Variants in YIPF3 observed in about 807,000 individuals in gnomAD.
YIPF3 encodes the protein protein YIPF3.
In YIPF3, 18 loss-of-function variants were observed where a neutral mutation model predicts 40.3. That is an observed-to-expected ratio of 0.45 (90% CI 0.31 to 0.66). YIPF3 has a LOEUF of 0.66. Among genes scored for constraint, YIPF3 ranks in the 30% least tolerant of loss-of-function variants. YIPF3 has a pLI of 0.07. For synonymous variants in YIPF3, 190 were observed against 179.6 expected, an observed-to-expected ratio of 1.06 and a Z score of -0.46; for missense variants, 406 against 452.2, an observed-to-expected ratio of 0.90 and a Z score of 0.93.
At chr6:43,514,664 A>G (rs772344278) in intron 3 of YIPF3, among the ~76,000 whole-genome samples, 6 of 152,210 alleles carry the variant, frequency 3.9e-5, no homozygotes, top group Admixed American at 1.3e-4. Flanking sequence ...GCTCCCATCT[A>G]TCTTCACCAC....
chr6:43,514,166 G>A (rs868113393), intron 3 of YIPF3, among the ~76,000 whole-genome samples: 3 of 152,184 alleles, frequency 2.0e-5, no homozygotes, highest in African/African-American at 4.8e-5. Context: ...GCCTGAACCC[G>A]GGAAGCGGAG....
At chr6:43,512,613 T>TGG in intron 7 of YIPF3, 50 bp from the exon 8 acceptor site, 1 of 1,570,976 alleles carries the variant, frequency 6.4e-7, no homozygotes, top group Non-Finnish European at 8.6e-7. Flanking sequence ...AAGTGAGGAG[T>TGG]GGGGACAAGA....
In YIPF3 at chr6:43,513,084, C is replaced by T. The variant is rs35473403; in HGVS notation, c.651G>A (p.Gln217=). ...YLCNAQITML[Q]MLALLGYGLF... The stretch of plus-strand genomic sequence containing the variant: ...GGCTCCTTACCAGCAGTGCCAACAT[C>T]TGCAGCATGGTGATCTGGGCGTTGC... The change falls in exon 6 of 9, where the codon CAG becomes CAA. Residue 217 remains glutamine (Q), a synonymous_variant. Transcript: ENST00000372422. 2,104 of 1,614,110 alleles carry T rather than the reference C, an allele frequency of 1.3e-3. 18 individuals are homozygous for T. The African/African-American group carries it at 0.022, about 17-fold the overall frequency.
chr6:43,513,668 G>A lies in YIPF3; in HGVS notation c.396-35C>T, dbSNP rs1378585033. The A allele has an allele frequency of 5.9e-6, 9 of 1,522,104 alleles. No individual in the cohort carries two copies. In the South Asian group the frequency reaches 1.2e-4, roughly 20 times the overall value. The allele number at this position is 1,522,104 out of a possible 1,614,324, so 94.3% of individuals were successfully genotyped here. A position where few individuals can be genotyped will look rare whatever the true frequency, so the allele number is the denominator to read the frequency against. On this transcript the variant is annotated intron_variant, in intron 3 of 8. Coordinates refer to ENST00000372422, the MANE Select transcript of YIPF3 (RefSeq NM_015388.4). ...GAGAGGAGAGATTAAAGCAAAGGCA[G>A]CACAAGGCCATGAGGTTCTGGAGGG...
In YIPF3 at chr6:43,513,693, G is replaced by A. The variant is rs541282764; in HGVS notation, c.396-60C>T. On this transcript the variant is annotated intron_variant, in intron 3 of 8. Coordinates refer to ENST00000372422, the MANE Select transcript of YIPF3 (RefSeq NM_015388.4). ...GCACAAGGCCATGAGGTTCTGGAGG[G>A]CAAGGCCTGAATTTTATTCATCTCT... 13 of 1,481,660 alleles carry A rather than the reference G, an allele frequency of 8.8e-6. 1 individual carries two copies. The African/African-American group carries it at 1.5e-4, about 18-fold the overall frequency. 91.8% of individuals were successfully genotyped at this position (1,481,660 alleles called of 1,614,324 possible).
At chr6:43,512,350 T>G (rs1792688502) in intron 8 of YIPF3, 35 bp from the exon 9 acceptor site, 1 of 1,612,868 alleles carries the variant, frequency 6.2e-7, no homozygotes, top group South Asian at 1.1e-5. Flanking sequence ...GAGGATCAGA[T>G]GGGCCCAGCC....
rs111897451 is a variant in YIPF3 at position 43,515,193 on chromosome 6, C to T, written c.395+402G>A. On this transcript the variant is annotated intron_variant, in intron 3 of 8. Coordinates refer to ENST00000372422, the MANE Select transcript of YIPF3 (RefSeq NM_015388.4). ...ATTTTTAGTAGAGACAGGGTTTCACCGTGTTAGCCAGGATGGTCTCGATCT... is the reference window on the plus strand; with the variant it reads ...ATTTTTAGTAGAGACAGGGTTTCACTGTGTTAGCCAGGATGGTCTCGATCT... 88 of 436,090 alleles carry T rather than the reference C, an allele frequency of 2.0e-4. 2 individuals are homozygous for T. In the Middle Eastern group the frequency reaches 3.0e-3, roughly 15 times the overall value. 27.0% of individuals were successfully genotyped at this position (436,090 alleles called of 1,614,324 possible). A position where few individuals can be genotyped will look rare whatever the true frequency, so the allele number is the denominator to read the frequency against.
Position 43,516,841 on chromosome 6 carries a change from C to G in YIPF3, c.-34G>C, listed in dbSNP as rs1192521554. On this transcript the variant is annotated 5_prime_UTR_variant, in exon 1 of 9. Transcript: ENST00000372422. ...AGGGCTCCCGTCGCTGAAACCCGCG[C>G]TAGCCCCGCGCGCGGAGTGGGCAAG... 1 of 1,555,818 alleles carries G rather than the reference C, an allele frequency of 6.4e-7. No homozygotes were observed. Among genetic ancestry groups the G allele is most frequent in the Non-Finnish European group, 8.7e-7 (1 of 1,149,254 alleles).
At chr6:43,516,639 C>T in intron 1 of YIPF3, 88 bp downstream of exon 1, 1 of 1,480,192 alleles carries the variant, frequency 6.8e-7, no homozygotes, top group Non-Finnish European at 9.2e-7. Flanking sequence ...ATGGAGCGGA[C>T]TTCCAGGCCC....
rs750280566 is a variant in YIPF3 at position 43,516,746 on chromosome 6, C to G, written c.62G>C (p.Gly21Ala). The G allele has an allele frequency of 6.2e-7, 1 of 1,609,844 alleles. No homozygotes were observed. The highest frequency in any genetic ancestry group is 1.3e-5 in the African/African-American group (1 of 74,826). ...ARNGAGPEWG[G>A]FEENIQGGGS... ...CATTACCTGGATGTTTTCTTCGAAC[C>G]CTCCCCATTCCGGGCCAGCTCCATT... Residue 21 changes from glycine to alanine, a missense_variant, in exon 1 of 9, where the codon GGG becomes GCG. Gly to Ala is a moderately conservative substitution (Grantham distance 60). Transcript: ENST00000372422.
chr6:43,512,750 G>C lies in YIPF3; in HGVS notation c.780+11C>G, dbSNP rs1175796450. On this transcript the variant is annotated intron_variant, in intron 7 of 8. Coordinates refer to ENST00000372422, the MANE Select transcript of YIPF3 (RefSeq NM_015388.4). Reference sequence around the variant, plus strand: ...GACAGCCCACCCCTGGAAGCCTCTTGCCCAGCTTACCATGCGCAGTGTGGA... The same window carrying C: ...GACAGCCCACCCCTGGAAGCCTCTTCCCCAGCTTACCATGCGCAGTGTGGA... The C allele has an allele frequency of 1.9e-6, 3 of 1,610,796 alleles. No individual in the cohort carries two copies. The highest frequency in any genetic ancestry group is 1.1e-5 in the South Asian group (1 of 90,726).
In YIPF3 at chr6:43,511,972, G is replaced by T; in HGVS notation, c.*195C>A. On this transcript the variant is annotated 3_prime_UTR_variant, in exon 9 of 9. Transcript: ENST00000372422. Reference sequence around the variant, plus strand: ...TTTTCTGCATTGGCTGCAGAGCCTTGCAGTCCTGGCCAGGAGTTCTTGGCC... The same window carrying T: ...TTTTCTGCATTGGCTGCAGAGCCTTTCAGTCCTGGCCAGGAGTTCTTGGCC... 1.2e-6 allele frequency: 1 copy of T among 829,838 alleles called. No individual in the cohort carries two copies. The highest frequency in any genetic ancestry group is 1.8e-6 in the Non-Finnish European group (1 of 548,480). 51.4% of individuals were successfully genotyped at this position (829,838 alleles called of 1,614,324 possible).
Position 43,512,534 on chromosome 6 carries a change from G to A in YIPF3, c.810C>T (p.Gly270=), listed in dbSNP as rs1162734284. ...MVAVLVSRTV[G]PTQRLLLCGT... is the part of the protein sequence containing the mutation. ...CACAGAGGAGCAGCCGCTGTGTGGG[G>A]CCCACGGTCCGAGACACCAACACTG... Residue 270 remains glycine, a synonymous_variant, in exon 8 of 9, where the codon GGC becomes GGT. Transcript: ENST00000372422. 3 of 1,612,390 alleles carry A rather than the reference G, an allele frequency of 1.9e-6. No individual in the cohort carries two copies. Among genetic ancestry groups the A allele is most frequent in the Non-Finnish European group, 2.5e-6 (3 of 1,179,814 alleles).
At position 43,513,203 on chromosome 6, in the gene YIPF3, G is replaced by A. The variant is rs1281200733; in HGVS notation, c.535-3C>T. On this transcript the variant is annotated splice_region_variant and splice_polypyrimidine_tract_variant and intron_variant, in intron 5 of 8. Coordinates refer to ENST00000372422, the MANE Select transcript of YIPF3 (RefSeq NM_015388.4). ...GTGCCCATCAGGGTGCCCTCCCGCTGTGGGGTGAAGGCTCTATTTAGTCCT... is the reference window on the plus strand; with the variant it reads ...GTGCCCATCAGGGTGCCCTCCCGCTATGGGGTGAAGGCTCTATTTAGTCCT... The A allele has an allele frequency of 6.2e-7, 1 of 1,614,138 alleles. No homozygotes were observed. Among genetic ancestry groups the A allele is most frequent in the African/African-American group, 1.3e-5 (1 of 75,042 alleles).
chr6:43,513,611 T>C lies in YIPF3; in HGVS notation c.418A>G (p.Ile140Val), dbSNP rs766718317. 1.3e-6 allele frequency: 2 copies of C among 1,577,514 alleles called. No homozygotes were observed. Among genetic ancestry groups the C allele is most frequent in the Middle Eastern group, 1.7e-4 (1 of 5,866 alleles). ...ACCTGGGGGAAGTTGACCATCTTGATAGGGATCATGGACTCCAGGAGCCTG... is the reference window on the plus strand; with the variant it reads ...ACCTGGGGGAAGTTGACCATCTTGACAGGGATCATGGACTCCAGGAGCCTG... ...RSRLLESMIPIKMVNFPQKIA... is the reference protein window; with the variant it reads ...RSRLLESMIPVKMVNFPQKIA... The change falls in exon 4 of 9, where the codon ATC (isoleucine) becomes GTC (valine). Residue 140 changes from isoleucine (I) to valine (V), a missense_variant. Transcript: ENST00000372422.
intron 3 of YIPF3, among the ~76,000 whole-genome samples, chr6:43,514,994 CTT>C (rs944845557): frequency 2.9e-4 from 40 of 138,394 alleles, no homozygotes; most frequent in Admixed American, 2.9e-4. Context: ...GCGCAGAGTT[CTT>C]TTTTTTTTTT....
intron 6 of YIPF3, 95 bp from the exon 7 acceptor site, chr6:43,512,969 A>G: frequency 8.8e-6 from 14 of 1,591,632 alleles, no homozygotes; most frequent in Non-Finnish European, 1.1e-5. Flanking sequence ...CCATTGGCCT[A>G]CTCCTCCCAT....
At position 43,513,214 on chromosome 6, in the gene YIPF3, G is replaced by A. The variant is rs1445569120; in HGVS notation, c.535-14C>T. On this transcript the variant is annotated splice_polypyrimidine_tract_variant and intron_variant, in intron 5 of 8. Transcript: ENST00000372422. ...GGTGCCCTCCCGCTGTGGGGTGAAG[G>A]CTCTATTTAGTCCTAGGAGGCCTCT... 6.2e-7 allele frequency: 1 copy of A among 1,614,058 alleles called. No homozygotes were observed. The highest frequency in any genetic ancestry group is 8.5e-7 in the Non-Finnish European group (1 of 1,179,986).
At chr6:43,513,664 G>A in intron 3 of YIPF3, 31 bp from the exon 4 acceptor site, 2 of 1,522,512 alleles carry the variant, frequency 1.3e-6, no homozygotes, top group South Asian at 1.3e-5. Flanking sequence ...TTAAAGCAAA[G>A]GCAGCACAAG....
Sources: allele counts gnomAD v4.1 joint callset (sites outside exome capture counted in the v4.1 genomes callset), GRCh38; gene constraint gnomAD v4.1.1; transcripts MANE v1.5; gene names NCBI Gene and HGNC (gene_info 2026-07-23, HGNC 2026-07-21).